The following ELP4 variants were observed in gnomAD, a reference collection of about 807,000 sequenced individuals.
ELP4 encodes the protein elongator complex protein 4.
Under a neutral mutation model 48.9 loss-of-function variants are expected in ELP4, and 51 were observed. That is an observed-to-expected ratio of 1.04 (90% CI 0.83 to 1.32). ELP4 has a LOEUF of 1.32. Ranked by LOEUF, ELP4 falls within the 40% of genes most tolerant of loss-of-function variation. The probability of loss-of-function intolerance (pLI) is 0.00; values close to 1 mark genes in which losing one functional copy is unlikely to be tolerated. For missense variants in ELP4, 519 were observed against 514.6 expected (o/e 1.01, Z -0.08); for synonymous variants, 210 against 189.2 (o/e 1.11, Z -0.90).
Position 31,647,734 on chromosome 11 carries a change from T to C in ELP4, c.928-7T>C, listed in dbSNP as rs775421034. ...TAACGTTACTGTTTTGTTTCCATGT[T>C]TTGCAGAATAAAGCCATTATTGCCC... On this transcript the variant is annotated splice_polypyrimidine_tract_variant and splice_region_variant and intron_variant, in intron 7 of 9. Transcript: ENST00000640961. The C allele has an allele frequency of 6.4e-7, 1 of 1,556,104 alleles. No individual in the cohort carries two copies. The highest frequency in any genetic ancestry group is 1.1e-5 in the South Asian group (1 of 89,832).
chr11:31,545,776 A>G (rs1376461451), intron 3 of ELP4, among the ~76,000 whole-genome samples: 1 of 152,186 alleles, frequency 6.6e-6, no homozygotes, highest in African/African-American at 2.4e-5. Context: ...TCAGAGTAAC[A>G]GCGGATCTCT....
Position 31,656,571 on chromosome 11 carries a change from T to A in ELP4, c.1143+6350T>A, listed in dbSNP as rs567167117. 5.3e-5 allele frequency among the ~76,000 whole-genome samples: 8 copies of A among 152,194 alleles called. No individual in the cohort carries two copies. In the South Asian group the frequency reaches 1.4e-3, roughly 28 times the overall value. ...TTTATAAATTGAACTTAGGGTCTAATATTTTTACATTGCACTATTTATTTA... is the reference window on the plus strand; with the variant it reads ...TTTATAAATTGAACTTAGGGTCTAAAATTTTTACATTGCACTATTTATTTA... On this transcript the variant is annotated intron_variant, in intron 9 of 9. Transcript: ENST00000640961.
chr11:31,763,365 A>G (rs745471829), intron 9 of ELP4: 2 of 1,536,372 alleles, frequency 1.3e-6, no homozygotes, highest in African/African-American at 2.8e-5. Context: ...CCATCCCTTC[A>G]AAATTACTGT....
At chr11:31,715,985 T>C (rs943831473) in intron 9 of ELP4, among the ~76,000 whole-genome samples, 2 of 152,112 alleles carry the variant, frequency 1.3e-5, no homozygotes, top group African/African-American at 4.8e-5. Context: ...CATGTAATGT[T>C]AGAGATATGT....
chr11:31,727,027 A>C (rs1165481538), intron 9 of ELP4, among the ~76,000 whole-genome samples: 3 of 152,176 alleles, frequency 2.0e-5, no homozygotes, highest in African/African-American at 7.2e-5. Flanking sequence ...AAGGCCAAGA[A>C]TAAGTAGCTC....
intron 7 of ELP4, among the ~76,000 whole-genome samples, chr11:31,635,883 A>T (rs1255907948): frequency 6.6e-6 from 1 of 152,030 alleles, no homozygotes; most frequent in Non-Finnish European, 1.5e-5. Flanking sequence ...CACTGACAGG[A>T]TCTTCTCACA....
chr11:31,758,903 G>A (rs765973289), intron 9 of ELP4, among the ~76,000 whole-genome samples: 4 of 151,968 alleles, frequency 2.6e-5, no homozygotes, highest in Non-Finnish European at 5.9e-5. Context: ...CCTAACCTAA[G>A]TGAGCCACCA....
chr11:31,603,484 T>C (rs931198264), intron 4 of ELP4, among the ~76,000 whole-genome samples: 5 of 151,666 alleles, frequency 3.3e-5, no homozygotes, highest in African/African-American at 1.2e-4. Context: ...AGGCATACAG[T>C]ATAATGAAAA....
At chr11:31,533,231 A>G (rs546949125) in intron 2 of ELP4, among the ~76,000 whole-genome samples, 1 of 152,118 alleles carries the variant, frequency 6.6e-6, no homozygotes, top group East Asian at 1.9e-4. Context: ...ACTGTCTGTT[A>G]TTCCACTCTG....
At chr11:31,618,589 A>G (rs75064219) in intron 5 of ELP4, among the ~76,000 whole-genome samples, 124 of 152,210 alleles carry the variant, frequency 8.1e-4, no homozygotes, top group African/African-American at 2.9e-3. Context: ...CTAAATTTCA[A>G]CATGAGTTTT....
At chr11:31,658,345 A>G (rs535877480) in intron 9 of ELP4, among the ~76,000 whole-genome samples, 1 of 136,542 alleles carries the variant, frequency 7.3e-6, no homozygotes, top group South Asian at 2.5e-4. Context: ...TCTCCCTTAT[A>G]TAACATGATG....
At chr11:31,629,233 C>A (rs1327308562) in intron 6 of ELP4, among the ~76,000 whole-genome samples, 3 of 151,666 alleles carry the variant, frequency 2.0e-5, no homozygotes, top group Non-Finnish European at 4.4e-5. Context: ...ACTTAGAATA[C>A]CAGATTAAAT....
intron 9 of ELP4, among the ~76,000 whole-genome samples, chr11:31,691,759 C>A (rs1946286338): frequency 6.6e-6 from 1 of 152,066 alleles, no homozygotes; most frequent in Admixed American, 6.6e-5. Context: ...TTTACAATAA[C>A]AATTTTTGAA....
intron 6 of ELP4, among the ~76,000 whole-genome samples, chr11:31,631,795 T>C (rs2134045510): frequency 6.6e-6 from 1 of 152,272 alleles, no homozygotes; most frequent in East Asian, 1.9e-4. Context: ...AGGCAGTAGG[T>C]AGGATAAAAT....
chr11:31,713,006 G>A (rs938961482), intron 9 of ELP4, among the ~76,000 whole-genome samples: 1 of 151,936 alleles, frequency 6.6e-6, no homozygotes, highest in Non-Finnish European at 1.5e-5. Flanking sequence ...TTTTCACATT[G>A]CTTTTGTTTG....
chr11:31,756,650 G>A (rs979293627), intron 9 of ELP4, among the ~76,000 whole-genome samples: 5 of 152,108 alleles, frequency 3.3e-5, no homozygotes, highest in Admixed American at 2.0e-4. Context: ...GTACATGGTG[G>A]TGCTCAATAA....
chr11:31,590,432 A>G (rs1479967634), intron 3 of ELP4, among the ~76,000 whole-genome samples: 2 of 152,232 alleles, frequency 1.3e-5, no homozygotes, highest in Non-Finnish European at 2.9e-5. Context: ...AATGTATCAA[A>G]GAGCTAAATT....
At chr11:31,649,002 A>G (rs1397867860) in intron 8 of ELP4, 1 of 151,726 alleles carries the variant, frequency 6.6e-6, no homozygotes. Flanking sequence ...TAATAAATAT[A>G]TTTTACTAAA....
At chr11:31,560,128 T>C (rs994638856) in intron 3 of ELP4, among the ~76,000 whole-genome samples, 1 of 152,158 alleles carries the variant, frequency 6.6e-6, no homozygotes, top group African/African-American at 2.4e-5. Context: ...GTTCAAATGT[T>C]GTGTGTTCCT....
Sources: gnomAD v4.1 joint callset for allele counts (sites outside exome capture counted in the v4.1 genomes callset) on GRCh38, gnomAD v4.1.1 for gene constraint, MANE v1.5 for transcripts, NCBI Gene and HGNC (gene_info 2026-07-23, HGNC 2026-07-21) for gene names.